The following CDH12 variants were observed in gnomAD, a reference collection of about 807,000 sequenced individuals.
CDH12 encodes cadherin-12.
Under a neutral mutation model 74.1 loss-of-function variants are expected in CDH12, and 41 were observed. The observed-to-expected ratio is 0.55, with a 90% CI of 0.43 to 0.72. CDH12 has a LOEUF of 0.72. Ranked by LOEUF, CDH12 falls within the 30% of genes least tolerant of loss-of-function variation. The probability of loss-of-function intolerance (pLI) is 0.00; values close to 1 mark genes in which losing one functional copy is unlikely to be tolerated. For missense variants in CDH12, 945 were observed against 977.2 expected, an observed-to-expected ratio of 0.97 and a Z score of 0.44; for synonymous variants, 399 against 355.0, an observed-to-expected ratio of 1.12 and a Z score of -1.39.
chr5:21,853,030 G>A (rs530988036), intron 7 of CDH12, among the ~76,000 whole-genome samples: 4 of 150,940 alleles, frequency 2.7e-5, no homozygotes, highest in East Asian at 3.9e-4. Flanking sequence ...TAATTCCTCC[G>A]GAACACTGTA....
At chr5:22,411,896 G>A (rs533244013) in intron 2 of CDH12, among the ~76,000 whole-genome samples, 1 of 152,032 alleles carries the variant, frequency 6.6e-6, no homozygotes, top group African/African-American at 2.4e-5. Context: ...TGATTAACTG[G>A]ATAAAGATTT....
intron 2 of CDH12, among the ~76,000 whole-genome samples, chr5:22,488,498 G>A (rs1443217048): frequency 1.3e-5 from 2 of 152,094 alleles, no homozygotes; most frequent in Non-Finnish European, 2.9e-5. Context: ...CACTGATCCT[G>A]AAAGGACTGC....
intron 9 of CDH12, among the ~76,000 whole-genome samples, chr5:21,816,711 G>T (rs988176035): frequency 1.4e-5 from 2 of 145,412 alleles, no homozygotes; most frequent in African/African-American, 5.0e-5. Context: ...TTATGTGATT[G>T]GTAAAGCTTC....
At chr5:21,783,209 C>T in intron 11 of CDH12, 149 bp downstream of exon 11, 1 of 633,422 alleles carries the variant, frequency 1.6e-6, no homozygotes, top group Non-Finnish European at 2.7e-6. Flanking sequence ...GACTTATGCT[C>T]TGAGGAAAAG....
chr5:22,016,236 ATAAAT>A (rs1212574684), intron 5 of CDH12, among the ~76,000 whole-genome samples: 2 of 152,134 alleles, frequency 1.3e-5, no homozygotes, highest in African/African-American at 4.8e-5. Context: ...ACAAAAGGAA[ATAAAT>A]TAATTAATAG....
chr5:22,823,279 T>G (rs1194899002), intron 1 of CDH12, among the ~76,000 whole-genome samples: 3 of 151,834 alleles, frequency 2.0e-5, no homozygotes, highest in Non-Finnish European at 2.9e-5. Context: ...TTACACCTAA[T>G]GCTAAATGAC....
intron 4 of CDH12, among the ~76,000 whole-genome samples, chr5:22,083,200 C>T (rs1742852856): frequency 4.6e-5 from 7 of 152,172 alleles, no homozygotes; most frequent in Admixed American, 3.3e-4. Flanking sequence ...TCTCCTTGCA[C>T]GTATTAAAAT....
At chr5:22,484,654 A>G (rs1746515311) in intron 2 of CDH12, among the ~76,000 whole-genome samples, 1 of 152,244 alleles carries the variant, frequency 6.6e-6, no homozygotes, top group South Asian at 2.1e-4. Context: ...ATCAGCAGGG[A>G]GATGCCAGCA....
At chr5:22,558,565 T>C (rs1049264963) in intron 1 of CDH12, among the ~76,000 whole-genome samples, 2 of 151,698 alleles carry the variant, frequency 1.3e-5, no homozygotes, top group African/African-American at 4.8e-5. Context: ...GATTCTTAAA[T>C]AGGAAAGAGG....
chr5:22,092,410 T>A (rs1184853015), intron 4 of CDH12, among the ~76,000 whole-genome samples: 1 of 152,176 alleles, frequency 6.6e-6, no homozygotes, highest in Non-Finnish European at 1.5e-5. Flanking sequence ...GACCATTTAT[T>A]ATTCAATAGA....
At chr5:22,776,389 T>C (rs1305045076) in intron 1 of CDH12, among the ~76,000 whole-genome samples, 4 of 152,152 alleles carry the variant, frequency 2.6e-5, no homozygotes, top group East Asian at 3.9e-4. Flanking sequence ...AAATGATCCC[T>C]GTCCGTCCTT....
chr5:22,714,986 C>G (rs1743498155), intron 1 of CDH12, among the ~76,000 whole-genome samples: 1 of 152,162 alleles, frequency 6.6e-6, no homozygotes, highest in African/African-American at 2.4e-5. Context: ...CTCAGAACGT[C>G]TTTCCCAGGC....
chr5:22,349,804 G>A (rs561490656), intron 3 of CDH12, among the ~76,000 whole-genome samples: 3 of 152,044 alleles, frequency 2.0e-5, no homozygotes, highest in Non-Finnish European at 4.4e-5. Context: ...GCGCAATCTC[G>A]GCTCACTGCA....
intron 2 of CDH12, among the ~76,000 whole-genome samples, chr5:22,412,279 A>C (rs949218089): frequency 3.9e-5 from 6 of 151,978 alleles, no homozygotes; most frequent in Non-Finnish European, 8.8e-5. Flanking sequence ...CTATAAAAAC[A>C]TACATTACTC....
rs1376465998 is a variant in CDH12 at position 22,704,796 on chromosome 5, G to A, written c.-523+148262C>T. On this transcript the variant is annotated intron_variant, in intron 1 of 14. Coordinates refer to ENST00000382254, the MANE Select transcript of CDH12 (RefSeq NM_004061.5). ...ATATTATCATACGTGTGGTATTTAT[G>A]CTGTGGCTTTCACTTTTTGGAAACT... Among the ~76,000 whole-genome samples, 3 of 151,892 alleles carry A rather than the reference G, an allele frequency of 2.0e-5. No individual in the cohort carries two copies. The East Asian group carries it at 5.8e-4, about 29-fold the overall frequency.
rs76473132 is a variant in CDH12, at chr5:22,756,181, T to C, written c.-523+96877A>G. ...GTGTTCTGCTCAGTCTATAACAGTATACTCACACATATTAGGTGGTCTATC... is the reference window on the plus strand; with the variant it reads ...GTGTTCTGCTCAGTCTATAACAGTACACTCACACATATTAGGTGGTCTATC... On this transcript the variant is annotated intron_variant, in intron 1 of 14. Coordinates refer to ENST00000382254, the MANE Select transcript of CDH12 (RefSeq NM_004061.5). Among the ~76,000 whole-genome samples the C allele has an allele frequency of 4.5e-3, 681 of 150,412 alleles. 3 individuals carry two copies. Among genetic ancestry groups the C allele is most frequent in the African/African-American group, 0.016 (655 of 41,148 alleles).
At chr5:21,869,364 T>C (rs1452667220) in intron 6 of CDH12, among the ~76,000 whole-genome samples, 1 of 152,114 alleles carries the variant, frequency 6.6e-6, no homozygotes, top group Non-Finnish European at 1.5e-5. Context: ...GATGTACTTG[T>C]GGAAGGCAAA....
At chr5:22,145,849 G>A (rs1485228385) in intron 4 of CDH12, among the ~76,000 whole-genome samples, 1 of 152,054 alleles carries the variant, frequency 6.6e-6, no homozygotes, top group Non-Finnish European at 1.5e-5. Context: ...GAAGGTCTAA[G>A]TATTGAGATG....
In CDH12 at chr5:21,974,365, T is replaced by G. The variant is rs549227952; in HGVS notation, c.526+726A>C. Reference sequence around the variant, plus strand: ...TTTAAAATTGTCCTTAAAGCTGGAATTCTTAACTTACTGACCTTATATCCT... The same window carrying G: ...TTTAAAATTGTCCTTAAAGCTGGAAGTCTTAACTTACTGACCTTATATCCT... On this transcript the variant is annotated intron_variant, in intron 6 of 14. Coordinates refer to ENST00000382254, the MANE Select transcript of CDH12 (RefSeq NM_004061.5). Among the ~76,000 whole-genome samples, 4 of 152,338 alleles carry G rather than the reference T, an allele frequency of 2.6e-5. No homozygotes were observed. The South Asian group carries it at 8.3e-4, about 32-fold the overall frequency.
Sources: allele counts gnomAD v4.1 joint callset (sites outside exome capture counted in the v4.1 genomes callset), GRCh38; gene constraint gnomAD v4.1.1; transcripts MANE v1.5; gene names NCBI Gene and HGNC (gene_info 2026-07-23, HGNC 2026-07-21).